Variants in TAFA4 observed in about 807,000 individuals in gnomAD.
TAFA4 encodes chemokine-like protein TAFA-4.
A neutral mutation model predicts 21.1 loss-of-function variants in TAFA4; 20 were observed. The ratio of observed to expected loss-of-function variants is 0.95; its 90% confidence interval spans 0.67 to 1.38. The LOEUF is 1.38. Ranked by LOEUF, TAFA4 falls within the 40% of genes most tolerant of loss-of-function variation. The pLI is 0.00. For synonymous variants in TAFA4, 71 were observed against 67.4 expected, an observed-to-expected ratio of 1.05 and a Z score of -0.26; for missense variants, 211 against 180.9, an observed-to-expected ratio of 1.17 and a Z score of -0.95.
chr3:68,832,259 CT>C (rs1255554713), intron 3 of TAFA4, among the ~76,000 whole-genome samples: 1 of 152,158 alleles, frequency 6.6e-6, no homozygotes, highest in African/African-American at 2.4e-5. Context: ...GAAAAGAGGC[CT>C]TCTGGTTTTT....
chr3:68,874,956 C>A (rs1483098710), intron 3 of TAFA4, among the ~76,000 whole-genome samples: 1 of 152,140 alleles, frequency 6.6e-6, no homozygotes, highest in African/African-American at 2.4e-5. Context: ...TTATTAAAAG[C>A]TGAGCCCATC....
chr3:68,834,205 T>A (rs1704467723), intron 3 of TAFA4, among the ~76,000 whole-genome samples: 1 of 152,216 alleles, frequency 6.6e-6, no homozygotes, highest in Non-Finnish European at 1.5e-5. Flanking sequence ...GCTAACATTT[T>A]GATCTGTTCT....
intron 3 of TAFA4, among the ~76,000 whole-genome samples, chr3:68,772,283 C>T (rs1702973158): frequency 6.6e-6 from 1 of 152,140 alleles, no homozygotes; most frequent in Non-Finnish European, 1.5e-5. Flanking sequence ...CAGGTGTCAA[C>T]TGGATATTAA....
intron 1 of TAFA4, among the ~76,000 whole-genome samples, chr3:68,924,670 T>C (rs1249431335): frequency 3.9e-5 from 6 of 152,192 alleles, no homozygotes; most frequent in African/African-American, 9.7e-5. Context: ...ATGCTTAGTA[T>C]AACACCCAGC....
At chr3:68,864,836 A>G (rs2089395736) in intron 3 of TAFA4, among the ~76,000 whole-genome samples, 8 of 148,988 alleles carry the variant, frequency 5.4e-5, no homozygotes, top group Admixed American at 5.3e-4. Context: ...TGGAAGAATC[A>G]TAGAACAATT....
chr3:68,788,521 T>C (rs1468597463), intron 3 of TAFA4, among the ~76,000 whole-genome samples: 1 of 152,260 alleles, frequency 6.6e-6, no homozygotes, highest in Non-Finnish European at 1.5e-5. Context: ...TGTTTTGGTG[T>C]CATAGCCAAA....
At chr3:68,917,431 C>G (rs905164146) in intron 1 of TAFA4, among the ~76,000 whole-genome samples, 7 of 152,076 alleles carry the variant, frequency 4.6e-5, no homozygotes, top group African/African-American at 1.4e-4. Flanking sequence ...AGACCTCCCC[C>G]CCTGTGTGTC....
intron 1 of TAFA4, among the ~76,000 whole-genome samples, chr3:68,896,143 T>C (rs1175279343): frequency 6.6e-6 from 1 of 151,986 alleles, no homozygotes; most frequent in Non-Finnish European, 1.5e-5. Context: ...GAGGTAATGT[T>C]AGGTAGCAGG....
intron 3 of TAFA4, among the ~76,000 whole-genome samples, chr3:68,785,920 G>C (rs1703251412): frequency 6.6e-6 from 1 of 152,218 alleles, no homozygotes; most frequent in Admixed American, 6.5e-5. Flanking sequence ...CTAGACATTT[G>C]TTCTACAGAT....
chr3:68,902,250 T>TTA (rs140258847), intron 1 of TAFA4, among the ~76,000 whole-genome samples: 43,340 of 152,034 alleles, frequency 0.29, 7,540 homozygotes, highest in Middle Eastern at 0.42. Context: ...GTCTGCCCTC[T>TTA]TAACCATCGG....
At chr3:68,850,195 T>C (rs1242930812) in intron 3 of TAFA4, among the ~76,000 whole-genome samples, 1 of 152,188 alleles carries the variant, frequency 6.6e-6, no homozygotes, top group African/African-American at 2.4e-5. Context: ...GTAGGTATCA[T>C]ACAACAGTAA....
chr3:68,746,220 G>T (rs564335684), intron 4 of TAFA4, among the ~76,000 whole-genome samples: 1 of 152,152 alleles, frequency 6.6e-6, no homozygotes, highest in South Asian at 2.1e-4. Context: ...TGAGGTTTTG[G>T]GTCTAGGACT....
chr3:68,835,438 C>T (rs1397172307), intron 3 of TAFA4, among the ~76,000 whole-genome samples: 1 of 152,098 alleles, frequency 6.6e-6, no homozygotes, highest in Non-Finnish European at 1.5e-5. Context: ...GAATGAACGA[C>T]GTAGAAGTAT....
In TAFA4 at chr3:68,778,001, C is replaced by T. The variant is rs146873306; in HGVS notation, c.131-24983G>A. Among the ~76,000 whole-genome samples, 51 of 152,226 alleles carry T rather than the reference C, an allele frequency of 3.4e-4. No individual in the cohort carries two copies. In the East Asian group the frequency reaches 8.7e-3, roughly 26 times the overall value. ...TAACAATATCTTTCTTAGAAAGCAT[C>T]TCCATTGTTAAGCAACACATGACTG... On this transcript the variant is annotated intron_variant, in intron 3 of 5. Coordinates refer to ENST00000295569, the MANE Select transcript of TAFA4 (RefSeq NM_182522.5).
chr3:68,857,820 AC>A (rs1181737521), intron 3 of TAFA4, among the ~76,000 whole-genome samples: 170 of 151,200 alleles, frequency 1.1e-3, no homozygotes, highest in Middle Eastern at 3.4e-3. Context: ...CAAAAAAAAA[AC>A]AAAAAGAAAA....
chr3:68,898,579 G>C (rs2089814593), intron 1 of TAFA4, among the ~76,000 whole-genome samples: 1 of 152,236 alleles, frequency 6.6e-6, no homozygotes, highest in Non-Finnish European at 1.5e-5. Flanking sequence ...CTGGGAGGCA[G>C]AGGTTGCAGT....
At chr3:68,903,104 A>C (rs1228920393) in intron 1 of TAFA4, among the ~76,000 whole-genome samples, 5 of 152,180 alleles carry the variant, frequency 3.3e-5, no homozygotes. Context: ...TGGCAGGCAC[A>C]GTGCTAGCCA....
chr3:68,869,581 C>T (rs536278876), intron 3 of TAFA4, among the ~76,000 whole-genome samples: 3 of 152,196 alleles, frequency 2.0e-5, no homozygotes, highest in African/African-American at 7.2e-5. Flanking sequence ...AAACATGATA[C>T]ATCAGATTAA....
intron 1 of TAFA4, among the ~76,000 whole-genome samples, chr3:68,905,497 TA>T (rs370076728): frequency 4.3e-4 from 65 of 152,060 alleles, no homozygotes; most frequent in African/African-American, 1.4e-3. Context: ...CTTAAATTCA[TA>T]AAAAATTAAT....
Sources: gnomAD v4.1 joint callset for allele counts (sites outside exome capture counted in the v4.1 genomes callset) on GRCh38, gnomAD v4.1.1 for gene constraint, MANE v1.5 for transcripts, NCBI Gene and HGNC (gene_info 2026-07-23, HGNC 2026-07-21) for gene names.